Variants in TBC1D5 observed in about 807,000 individuals in gnomAD.
The protein encoded by TBC1D5 is TBC1 domain family, member 5.
TBC1D5 carries 75 observed loss-of-function variants against 100.3 expected under a neutral mutation model. That is an observed-to-expected ratio of 0.75 (90% confidence interval 0.62 to 0.91). TBC1D5 has a LOEUF of 0.91. Ranked by LOEUF, TBC1D5 falls within the 40% of genes least tolerant of loss-of-function variation. TBC1D5 has a pLI of 0.00. For missense variants in TBC1D5, 910 were observed against 942.4 expected, an observed-to-expected ratio of 0.97 and a Z score of 0.45; for synonymous variants, 323 against 325.6, an observed-to-expected ratio of 0.99 and a Z score of 0.09.
chr3:17,696,590 C>T (rs1363914773), intron 1 of TBC1D5, among the ~76,000 whole-genome samples: 1 of 152,126 alleles, frequency 6.6e-6, no homozygotes, highest in Non-Finnish European at 1.5e-5. Flanking sequence ...ATCACAGGCT[C>T]TGAAATTGAG....
At chr3:17,323,272 G>C (rs978931422) in intron 13 of TBC1D5, among the ~76,000 whole-genome samples, 4 of 152,174 alleles carry the variant, frequency 2.6e-5, no homozygotes, top group African/African-American at 9.7e-5. Flanking sequence ...CGTGAGGCCA[G>C]CATTACTGGC....
chr3:17,177,969 T>C (rs149038274), intron 19 of TBC1D5, among the ~76,000 whole-genome samples: 452 of 152,272 alleles, frequency 3.0e-3, no homozygotes, highest in African/African-American at 0.011. Flanking sequence ...CATGAAAAGT[T>C]TGTCTTTCTG....
At chr3:17,569,838 C>G (rs1257739589) in intron 2 of TBC1D5, among the ~76,000 whole-genome samples, 3 of 151,466 alleles carry the variant, frequency 2.0e-5, no homozygotes, top group Admixed American at 6.6e-5. Context: ...TTTTCATCTA[C>G]TATATATTCT....
In TBC1D5 at chr3:17,690,256, G is replaced by A. The variant is rs550360356; in HGVS notation, c.-101+49087C>T. ...TTTTGAGACGGAGTCTCGCTCTGTC[G>A]CCCAGGCTGGAGTGCAGTGGCGGGA... On this transcript the variant is annotated intron_variant, in intron 1 of 21. Transcript: ENST00000253692. Among the ~76,000 whole-genome samples the A allele has an allele frequency of 9.1e-4, 20 of 21,908 alleles. 4 individuals carry two copies. Among genetic ancestry groups the A allele is most frequent in the Non-Finnish European group, 1.5e-3 (19 of 12,328 alleles). 14.4% of individuals were successfully genotyped at this position (21,908 alleles called of 152,430 possible). A position where few individuals can be genotyped will look rare whatever the true frequency, so the allele number is the denominator to read the frequency against.
At position 17,200,123 on chromosome 3, in the gene TBC1D5, A is replaced by G. The variant is rs73143754; in HGVS notation, c.1752+14084T>C. Among the ~76,000 whole-genome samples the G allele has an allele frequency of 4.2e-3, 647 of 152,268 alleles. 3 individuals are homozygous for G. Among genetic ancestry groups the G allele is most frequent in the African/African-American group, 0.015 (612 of 41,536 alleles). On this transcript the variant is annotated intron_variant, in intron 18 of 21. Transcript: ENST00000253692. ...CAAATATAGCCTATAACTTTTTAGG[A>G]TTTAACATAAGGCCAATTTGTTCTT...
At chr3:17,199,043 G>C (rs901290292) in intron 18 of TBC1D5, among the ~76,000 whole-genome samples, 4 of 152,198 alleles carry the variant, frequency 2.6e-5, no homozygotes, top group Non-Finnish European at 5.9e-5. Flanking sequence ...ACAGTCTCTA[G>C]AGTGAAACGC....
Position 17,372,062 on chromosome 3 carries a change from C to CTAA in TBC1D5, c.995+12_995+13insTTA. 1 of 922,820 alleles carries CTAA rather than the reference C, an allele frequency of 1.1e-6. No homozygotes were observed. Among genetic ancestry groups the CTAA allele is most frequent in the South Asian group, 1.7e-5 (1 of 58,170 alleles). The allele number at this position is 922,820 out of a possible 1,614,324, so 57.2% of individuals were successfully genotyped here. A position where few individuals can be genotyped will look rare whatever the true frequency, so the allele number is the denominator to read the frequency against. ...AAAAAACAAACAAACAAACAAAGAA[C>CTAA]TTTAATACTTACAACCCATATATCT... On this transcript the variant is annotated intron_variant, in intron 13 of 21. Transcript: ENST00000253692.
At chr3:17,654,266 A>G (rs1044632849) in intron 1 of TBC1D5, among the ~76,000 whole-genome samples, 13 of 152,186 alleles carry the variant, frequency 8.5e-5, no homozygotes, top group African/African-American at 3.1e-4. Context: ...TTGTTTGATA[A>G]TTTAATCAGA....
In TBC1D5 at chr3:17,252,562, C is replaced by T. The variant is rs182637565; in HGVS notation, c.1331+5944G>A. On this transcript the variant is annotated intron_variant, in intron 16 of 21. Transcript: ENST00000253692. ...GGTTTCCTGGGCATTTAAGATGTAT[C>T]CACATTCCTCAGCAGGATTCTATGT... Among the ~76,000 whole-genome samples, 989 of 152,248 alleles carry T rather than the reference C, an allele frequency of 6.5e-3. 7 individuals carry two copies. Among genetic ancestry groups the T allele is most frequent in the Middle Eastern group, 0.017 (5 of 294 alleles).
exon 1 of TBC1D5, chr3:17,740,638 C>T (rs1337902048): frequency 6.6e-6 from 1 of 152,096 alleles, no homozygotes; most frequent in African/African-American, 2.4e-5. Flanking sequence ...AACCTGAATC[C>T]AGTTAGAACA....
chr3:17,541,526 T>C (rs1182020493), intron 2 of TBC1D5, among the ~76,000 whole-genome samples: 1 of 152,250 alleles, frequency 6.6e-6, no homozygotes, highest in Non-Finnish European at 1.5e-5. Context: ...AATTGCTTTT[T>C]GTGTGTTGGC....
At chr3:17,332,075 C>G (rs1280997640) in intron 13 of TBC1D5, among the ~76,000 whole-genome samples, 1 of 152,152 alleles carries the variant, frequency 6.6e-6, no homozygotes, top group Non-Finnish European at 1.5e-5. Flanking sequence ...GTGTGGAGAA[C>G]AGACTGTAAG....
chr3:17,662,535 G>T (rs746014465), intron 1 of TBC1D5, among the ~76,000 whole-genome samples: 2 of 152,170 alleles, frequency 1.3e-5, no homozygotes, highest in African/African-American at 2.4e-5. Context: ...TTTTTCTCTA[G>T]AGTAGGATAG....
At chr3:17,360,727 C>A (rs1426049587) in intron 13 of TBC1D5, among the ~76,000 whole-genome samples, 1 of 151,732 alleles carries the variant, frequency 6.6e-6, no homozygotes, top group Non-Finnish European at 1.5e-5. Flanking sequence ...GTCTTAGTTG[C>A]AGAGTTAAAA....
intron 4 of TBC1D5, among the ~76,000 whole-genome samples, chr3:17,421,055 T>C (rs566411828): frequency 6.6e-6 from 1 of 152,312 alleles, no homozygotes; most frequent in African/African-American, 2.4e-5. Flanking sequence ...GGGCTGTGAA[T>C]GCAAACAAAT....
intron 15 of TBC1D5, among the ~76,000 whole-genome samples, chr3:17,273,263 T>C (rs146189771): frequency 6.6e-6 from 1 of 152,230 alleles, no homozygotes. Context: ...ATACACTCCT[T>C]CTTCTTGACC....
At chr3:17,442,552 G>A (rs1416589947) in intron 3 of TBC1D5, among the ~76,000 whole-genome samples, 1 of 152,190 alleles carries the variant, frequency 6.6e-6, no homozygotes, top group Non-Finnish European at 1.5e-5. Flanking sequence ...AAGAAGGCCT[G>A]GACATGGGGA....
intron 3 of TBC1D5, among the ~76,000 whole-genome samples, chr3:17,463,974 G>A (rs530587272): frequency 2.8e-5 from 3 of 105,826 alleles, no homozygotes; most frequent in Admixed American, 1.1e-4. Context: ...TTTTTGAGAC[G>A]GTGTTTTGCT....
intron 1 of TBC1D5, among the ~76,000 whole-genome samples, chr3:17,708,112 C>A (rs1469006620): frequency 6.6e-6 from 1 of 152,214 alleles, no homozygotes; most frequent in Non-Finnish European, 1.5e-5. Context: ...TTACTAGCAA[C>A]CACTATCATG....
Sources: allele counts gnomAD v4.1 joint callset (sites outside exome capture counted in the v4.1 genomes callset), GRCh38; gene constraint gnomAD v4.1.1; transcripts MANE v1.5; gene names NCBI Gene and HGNC (gene_info 2026-07-23, HGNC 2026-07-21).